The following CCDC85A variants were observed in gnomAD, a reference collection of about 807,000 sequenced individuals.
CCDC85A encodes coiled-coil domain-containing protein 85A.
A neutral mutation model predicts 50.2 loss-of-function variants in CCDC85A; 38 were observed. The ratio of observed to expected loss-of-function variants is 0.76; its 90% CI spans 0.58 to 0.99. The LOEUF is 0.99. Ranked by LOEUF, CCDC85A falls within the 50% of genes least tolerant of loss-of-function variation. CCDC85A has a pLI of 0.00. For synonymous variants in CCDC85A, 366 were observed against 301.4 expected (o/e 1.21, Z -2.22); for missense variants, 820 against 742.0 (o/e 1.11, Z -1.22).
Position 56,192,603 on chromosome 2 carries a change from G to A in CCDC85A, c.403G>A (p.Gly135Arg), listed in dbSNP as rs750946147. 17 of 1,613,800 alleles carry A rather than the reference G, an allele frequency of 1.1e-5. No individual in the cohort carries two copies. Among genetic ancestry groups the A allele is most frequent in the Middle Eastern group, 1.6e-4 (1 of 6,084 alleles). ...EWQRLGRYTAGVMHKEVALYL... is the reference protein window; with the variant it reads ...EWQRLGRYTARVMHKEVALYL... ...GCAGAGACTGGGTCGCTACACTGCCGGGGTGATGCACAAGGAAGTGGCCTT... is the reference window on the plus strand; with the variant it reads ...GCAGAGACTGGGTCGCTACACTGCCAGGGTGATGCACAAGGAAGTGGCCTT... Residue 135 changes from glycine to arginine, a missense_variant, in exon 2 of 6, where the codon GGG (glycine) becomes AGG (arginine). Gly to Arg is a moderately radical substitution (Grantham distance 125, BLOSUM62 -2). Coordinates refer to ENST00000407595, the MANE Select transcript of CCDC85A (RefSeq NM_001080433.2). The surrounding 1 kb of genome is among the most constrained non-coding windows in gnomAD (Gnocchi z 4.7).
At chr2:56,304,100 C>T (rs1672325534) in intron 2 of CCDC85A, among the ~76,000 whole-genome samples, 1 of 152,114 alleles carries the variant, frequency 6.6e-6, no homozygotes, top group African/African-American at 2.4e-5. Flanking sequence ...GTGATTGTTC[C>T]TTGCATTTCT....
At chr2:56,273,787 G>C (rs1460563352) in intron 2 of CCDC85A, among the ~76,000 whole-genome samples, 1 of 151,854 alleles carries the variant, frequency 6.6e-6, no homozygotes, top group African/African-American at 2.4e-5. Context: ...GGAGGACATG[G>C]GGTAACTGTG....
At chr2:56,282,572 C>T (rs1213131469) in intron 2 of CCDC85A, among the ~76,000 whole-genome samples, 2 of 152,200 alleles carry the variant, frequency 1.3e-5, no homozygotes, top group Non-Finnish European at 2.9e-5. Context: ...TGCAATGGCG[C>T]GATCTCGGCT....
At position 56,318,320 on chromosome 2, in the gene CCDC85A, G is replaced by A. The variant is rs149494295; in HGVS notation, c.1241-24559G>A. On this transcript the variant is annotated intron_variant, in intron 2 of 5. Transcript: ENST00000407595. ...AAGGCTGTTTTTCAGTTCCTTCATCGTGCTAAGCTCATCCACACTGCAGGG... is the reference window on the plus strand; with the variant it reads ...AAGGCTGTTTTTCAGTTCCTTCATCATGCTAAGCTCATCCACACTGCAGGG... Among the ~76,000 whole-genome samples the A allele has an allele frequency of 3.2e-3, 489 of 151,888 alleles. 2 individuals carry two copies. Among genetic ancestry groups the A allele is most frequent in the African/African-American group, 0.011 (470 of 41,432 alleles).
intron 2 of CCDC85A, among the ~76,000 whole-genome samples, chr2:56,277,519 C>T (rs977668061): frequency 2.0e-5 from 3 of 152,132 alleles, no homozygotes; most frequent in Non-Finnish European, 4.4e-5. Context: ...CATTAAAAAA[C>T]CACATGACTT....
At chr2:56,366,252 G>A (rs1329495773) in intron 3 of CCDC85A, among the ~76,000 whole-genome samples, 1 of 152,058 alleles carries the variant, frequency 6.6e-6, no homozygotes, top group Non-Finnish European at 1.5e-5. Flanking sequence ...TACTGATTTT[G>A]TTTAATTTTA....
chr2:56,313,881 G>C (rs1279359548), intron 2 of CCDC85A, among the ~76,000 whole-genome samples: 1 of 151,982 alleles, frequency 6.6e-6, no homozygotes, highest in African/African-American at 2.4e-5. Flanking sequence ...AGGCATTCTA[G>C]TCAGATAGTC....
chr2:56,361,055 C>T (rs1270106880), intron 3 of CCDC85A, among the ~76,000 whole-genome samples: 1 of 152,148 alleles, frequency 6.6e-6, no homozygotes, highest in South Asian at 2.1e-4. Context: ...AGATCGAGAC[C>T]ATCCTGGCTA....
At chr2:56,253,046 CA>C (rs902938455) in intron 2 of CCDC85A, among the ~76,000 whole-genome samples, 1 of 136,578 alleles carries the variant, frequency 7.3e-6, no homozygotes, top group African/African-American at 2.6e-5. Flanking sequence ...AAATAAATAA[CA>C]AAAAAAGTAA....
intron 3 of CCDC85A, among the ~76,000 whole-genome samples, chr2:56,364,854 T>A (rs987927355): frequency 1.3e-5 from 2 of 152,216 alleles, no homozygotes; most frequent in African/African-American, 4.8e-5. Context: ...TAATACTTTT[T>A]TTCCCTTCAA....
At chr2:56,262,920 T>C (rs2104027451) in intron 2 of CCDC85A, among the ~76,000 whole-genome samples, 1 of 152,338 alleles carries the variant, frequency 6.6e-6, no homozygotes, top group East Asian at 1.9e-4. Flanking sequence ...TGGCAAAATA[T>C]AACTACAGCT....
At chr2:56,322,767 C>G (rs1487476865) in intron 2 of CCDC85A, among the ~76,000 whole-genome samples, 2 of 152,072 alleles carry the variant, frequency 1.3e-5, no homozygotes, top group Non-Finnish European at 1.5e-5. Context: ...CTAGAAATAC[C>G]ATATGACCCA....
At position 56,184,731 on chromosome 2, in the gene CCDC85A, T is replaced by A; in HGVS notation, c.107T>A (p.Leu36Gln). 1 of 1,540,190 alleles carries A rather than the reference T, an allele frequency of 6.5e-7. No individual in the cohort carries two copies. Among genetic ancestry groups the A allele is most frequent in the Non-Finnish European group, 8.7e-7 (1 of 1,144,548 alleles). ...GCCCCGCCCGCGCCGGTGGAGGACCTGTCCAAAGTGTCGGACGAGGAGCTG... is the reference window on the plus strand; with the variant it reads ...GCCCCGCCCGCGCCGGTGGAGGACCAGTCCAAAGTGTCGGACGAGGAGCTG... ...SAAPPAPVED[L>Q]SKVSDEELLQ... Residue 36 changes from leucine (L) to glutamine (Q), a missense_variant, in exon 1 of 6, where the codon CTG becomes CAG. Leu to Gln is a moderately radical substitution (Grantham distance 113, BLOSUM62 -2). Coordinates refer to ENST00000407595, the MANE Select transcript of CCDC85A (RefSeq NM_001080433.2).
In CCDC85A at chr2:56,385,307, A is replaced by T. The variant is rs1053315873; in HGVS notation, c.*952A>T. On this transcript the variant is annotated 3_prime_UTR_variant, in exon 6 of 6. Transcript: ENST00000407595. ...TTTATGAAAAAAGCTTTCTTTGCCT[A>T]CTGCAGCTATCTAACATTTTATGAA... The T allele has an allele frequency of 9.8e-5, 15 of 152,396 alleles. No individual in the cohort carries two copies. The highest frequency in any genetic ancestry group is 3.4e-4 in the African/African-American group (14 of 41,524). The allele number at this position is 152,396 out of a possible 1,614,324, so 9.4% of individuals were successfully genotyped here. A position where few individuals can be genotyped will look rare whatever the true frequency, so the allele number is the denominator to read the frequency against.
chr2:56,228,053 A>G (rs1031406510), intron 2 of CCDC85A, among the ~76,000 whole-genome samples: 6 of 152,238 alleles, frequency 3.9e-5, no homozygotes, highest in African/African-American at 1.4e-4. Context: ...AGGCCATAGC[A>G]CAGAGTAGAG....
chr2:56,290,518 A>G (rs888403161), intron 2 of CCDC85A, among the ~76,000 whole-genome samples: 22 of 152,132 alleles, frequency 1.4e-4, no homozygotes, highest in African/African-American at 5.3e-4. Context: ...ACTGTTTCAA[A>G]CTTAGCTGTT....
chr2:56,347,796 C>T (rs556580692), intron 3 of CCDC85A, among the ~76,000 whole-genome samples: 6 of 152,110 alleles, frequency 3.9e-5, no homozygotes, highest in Non-Finnish European at 1.5e-5. Flanking sequence ...GATTTTTAGC[C>T]CAAATTCAAA....
intron 2 of CCDC85A, among the ~76,000 whole-genome samples, chr2:56,222,760 A>G (rs556025392): frequency 6.6e-6 from 1 of 152,314 alleles, no homozygotes; most frequent in East Asian, 1.9e-4. Context: ...AGATGTAACC[A>G]ATATTCCAGA....
At chr2:56,312,393 C>G (rs922854895) in intron 2 of CCDC85A, among the ~76,000 whole-genome samples, 3 of 151,912 alleles carry the variant, frequency 2.0e-5, no homozygotes, top group Admixed American at 1.3e-4. Context: ...TATAGTGACT[C>G]CAGAAGTTTA....
Sources: gnomAD v4.1 joint callset for allele counts (sites outside exome capture counted in the v4.1 genomes callset) on GRCh38, gnomAD v4.1.1 for gene constraint, Gnocchi (gnomAD v3.1) non-coding constraint, MANE v1.5 for transcripts, NCBI Gene and HGNC (gene_info 2026-07-23, HGNC 2026-07-21) for gene names.